The following GPLD1 variants were observed in gnomAD, a reference collection of about 807,000 sequenced individuals.
The protein encoded by GPLD1 is glycosylphosphatidylinositol specific phospholipase D1.
GPLD1 carries 84 observed loss-of-function variants against 112.6 expected under a neutral mutation model. That is an observed-to-expected ratio of 0.75 (90% CI 0.63 to 0.89). The LOEUF (loss-of-function observed/expected upper bound fraction) is 0.89, where lower values mean the gene tolerates loss of function less well. GPLD1 is among the 40% of genes least tolerant of loss of function. The pLI is 0.00. For synonymous variants in GPLD1, 386 were observed against 403.8 expected, an observed-to-expected ratio of 0.96 and a Z score of 0.53; for missense variants, 1,044 against 1,051.5, an observed-to-expected ratio of 0.99 and a Z score of 0.10.
intron 14 of GPLD1, among the ~76,000 whole-genome samples, chr6:24,452,631 C>A (rs1489383610): frequency 6.6e-6 from 1 of 152,106 alleles, no homozygotes; most frequent in African/African-American, 2.4e-5. Flanking sequence ...CAAAAATTAG[C>A]CGGGCATGGC....
rs981474449 is a variant in GPLD1, at chr6:24,476,238, C to T, written c.273G>A (p.Pro91=). 1.6e-5 allele frequency: 25 copies of T among 1,574,592 alleles called. No homozygotes were observed. The highest frequency in any genetic ancestry group is 4.6e-5 in the South Asian group (4 of 86,292). The change falls in exon 4 of 25, where the codon CCG becomes CCA. Residue 91 remains proline (P), a synonymous_variant. Coordinates refer to ENST00000230036, the MANE Select transcript of GPLD1 (RefSeq NM_001503.4). The part of the protein sequence containing the change: ...HDVSESTHWT[P]FLNASVHYIR... ...TATAATGAACGCTTGCATTAAGAAACGGAGTCCAGTGAGTGCTCTCAGACA... is the reference window on the plus strand; with the variant it reads ...TATAATGAACGCTTGCATTAAGAAATGGAGTCCAGTGAGTGCTCTCAGACA...
intron 12 of GPLD1, among the ~76,000 whole-genome samples, chr6:24,459,788 C>T (rs190510611): frequency 5.3e-5 from 8 of 152,342 alleles, no homozygotes; most frequent in African/African-American, 9.6e-5. Context: ...ACATTGTGAA[C>T]GCCTTTGGGA....
chr6:24,466,713 T>A lies in GPLD1; in HGVS notation c.788A>T (p.His263Leu). The change falls in exon 10 of 25, where the codon CAT becomes CTT. Residue 263 changes from histidine to leucine, a missense_variant. Coordinates refer to ENST00000230036, the MANE Select transcript of GPLD1 (RefSeq NM_001503.4). The stretch of plus-strand genomic sequence containing the variant: ...ATTCTCCAACATGAAGCTTGTTAGA[T>A]GGTAAATATTAGTGGACCAAAATGC... ...DMAFWSTNIYHLTSFMLENGT... is the reference protein window; with the variant it reads ...DMAFWSTNIYLLTSFMLENGT... 1 of 1,612,496 alleles carries A rather than the reference T, an allele frequency of 6.2e-7. No individual in the cohort carries two copies. Among genetic ancestry groups the A allele is most frequent in the Non-Finnish European group, 8.5e-7 (1 of 1,178,490 alleles).
At chr6:24,454,347 C>T (rs1763198371) in intron 13 of GPLD1, 146 bp from the exon 14 acceptor site, 3 of 508,816 alleles carry the variant, frequency 5.9e-6, no homozygotes, top group Non-Finnish European at 1.0e-5. Flanking sequence ...ATATTCACTT[C>T]TCAGGTTGTA....
chr6:24,435,237 T>C (rs1384411955), intron 22 of GPLD1, among the ~76,000 whole-genome samples: 3 of 149,068 alleles, frequency 2.0e-5, no homozygotes, highest in Admixed American at 2.0e-4. Flanking sequence ...GGTCTCGATC[T>C]TCTGACCTTG....
At position 24,466,920 on chromosome 6, in the gene GPLD1, C is replaced by G. The variant is rs1763638848; in HGVS notation, c.673G>C (p.Val225Leu). 2.0e-5 allele frequency: 33 copies of G among 1,611,136 alleles called. No individual in the cohort carries two copies. Among genetic ancestry groups the G allele is most frequent in the Non-Finnish European group, 2.7e-5 (32 of 1,177,288 alleles). ...AAGAATGACGCCTTTACCTTGGAAA[C>G]AGCTAGCATCTCACCATACCTGCAA... The part of the protein sequence containing the change: ...FLEMYGEMLA[V>L]SKLYPTYSTK... Residue 225 changes from valine (V) to leucine (L), a missense_variant, in exon 9 of 25, where the codon GTT (valine) becomes CTT (leucine). Physicochemically the swap from Val to Leu is conservative, Grantham distance 32 (BLOSUM62 1). Coordinates refer to ENST00000230036, the MANE Select transcript of GPLD1 (RefSeq NM_001503.4).
At chr6:24,479,712 C>A (rs1764137969) in intron 3 of GPLD1, among the ~76,000 whole-genome samples, 169 bp downstream of exon 3, 1 of 152,138 alleles carries the variant, frequency 6.6e-6, no homozygotes, top group Admixed American at 6.6e-5. Flanking sequence ...TAAACTAAGT[C>A]ATTAACCAAC....
chr6:24,489,393 A>G (rs1008941172), intron 1 of GPLD1, 22 bp downstream of exon 1: 8 of 1,499,608 alleles, frequency 5.3e-6, no homozygotes, highest in Non-Finnish European at 7.4e-6. Context: ...TCTCAACAAC[A>G]TAACAAGACA....
chr6:24,471,109 G>A lies in GPLD1; in HGVS notation c.545+1473C>T, dbSNP rs141216447. 1.1e-3 allele frequency among the ~76,000 whole-genome samples: 173 copies of A among 152,246 alleles called. 6 individuals carry two copies. In the East Asian group the frequency reaches 0.029, roughly 25 times the overall value. On this transcript the variant is annotated intron_variant, in intron 7 of 24. Coordinates refer to ENST00000230036, the MANE Select transcript of GPLD1 (RefSeq NM_001503.4). The stretch of plus-strand genomic sequence containing the variant: ...AACAGAGCCCAAGACTTATTATAAA[G>A]CTACAGCAATTAAAATAATCAATAT...
intron 2 of GPLD1, among the ~76,000 whole-genome samples, chr6:24,483,909 GTTTTGTT>G (rs1764284860): frequency 9.8e-6 from 1 of 102,492 alleles, no homozygotes; most frequent in Non-Finnish European, 1.9e-5. Flanking sequence ...ACTTTGTTTT[GTTTTGTT>G]TTGTTTTGTT....
intron 20 of GPLD1, among the ~76,000 whole-genome samples, chr6:24,437,582 A>AC (rs1224845653): frequency 2.0e-5 from 3 of 151,436 alleles, no homozygotes; most frequent in African/African-American, 4.9e-5. Flanking sequence ...AAACTAGGTC[A>AC]CCCCCATGAC....
At chr6:24,467,807 A>T (rs1763666922) in intron 7 of GPLD1, among the ~76,000 whole-genome samples, 1 of 152,184 alleles carries the variant, frequency 6.6e-6, no homozygotes, top group Admixed American at 6.6e-5. Flanking sequence ...CCCCAAAATC[A>T]CTAAACTAAA....
At chr6:24,490,878 C>T (rs186043012), upstream of GPLD1, among the ~76,000 whole-genome samples, 283 of 152,298 alleles carry the variant, frequency 1.9e-3, no homozygotes, top group Non-Finnish European at 3.0e-3. Context: ...CCCGCAGCTA[C>T]CCCCAGACCT....
chr6:24,495,103 G>C, exon 1 of GPLD1: 1 of 1,317,512 alleles, frequency 7.6e-7, no homozygotes. Flanking sequence ...CCTGCCTCCG[G>C]GCCTGCGCCC....
At chr6:24,480,426 G>A (rs1258424685) in intron 2 of GPLD1, among the ~76,000 whole-genome samples, 12 of 152,060 alleles carry the variant, frequency 7.9e-5, no homozygotes, top group Admixed American at 7.2e-4. Flanking sequence ...AGGTTCAAGC[G>A]ATTCTCCTGC....
At chr6:24,470,693 G>C (rs761966480) in intron 7 of GPLD1, among the ~76,000 whole-genome samples, 2 of 152,136 alleles carry the variant, frequency 1.3e-5, no homozygotes, top group Non-Finnish European at 2.9e-5. Flanking sequence ...CCGCCTCCCA[G>C]GTTCAAGTGA....
At chr6:24,431,855 G>T (rs1435024035) in intron 24 of GPLD1, among the ~76,000 whole-genome samples, 1 of 152,042 alleles carries the variant, frequency 6.6e-6, no homozygotes, top group Admixed American at 6.6e-5. Flanking sequence ...TTTTTAATCT[G>T]CCATATCGAA....
chr6:24,456,592 T>C lies in GPLD1; in HGVS notation c.1054A>G (p.Thr352Ala). 6.3e-7 allele frequency: 1 copy of C among 1,598,162 alleles called. No individual in the cohort carries two copies. The highest frequency in any genetic ancestry group is 1.1e-5 in the South Asian group (1 of 90,610). ...AACTGAGAGCCACCTATGAACATTGTCCTTATGTTCCTTTCCAAAGCCTTG... is the reference window on the plus strand; with the variant it reads ...AACTGAGAGCCACCTATGAACATTGCCCTTATGTTCCTTTCCAAAGCCTTG... ...IYKALERNIR[T>A]MFIGGSQLSQ... Residue 352 changes from threonine (T) to alanine (A), a missense_variant, in exon 13 of 25, where the codon ACA becomes GCA. Physicochemically the swap from Thr to Ala is moderately conservative, Grantham distance 58. Transcript: ENST00000230036.
At chr6:24,433,911 CTATT>C (rs1042589392) in intron 22 of GPLD1, among the ~76,000 whole-genome samples, 2 of 152,084 alleles carry the variant, frequency 1.3e-5, no homozygotes, top group Admixed American at 1.3e-4. Context: ...ATTTATGTGA[CTATT>C]TACCATATTA....
Sources: gnomAD v4.1 joint callset for allele counts (sites outside exome capture counted in the v4.1 genomes callset) on GRCh38, gnomAD v4.1.1 for gene constraint, MANE v1.5 for transcripts, NCBI Gene and HGNC (gene_info 2026-07-23, HGNC 2026-07-21) for gene names.